The following SMARCA2 variants were observed in gnomAD, a reference collection of about 807,000 sequenced individuals.
SMARCA2 encodes SWI/SNF related BAF chromatin remodeling complex subunit ATPase 2, also known as SWI/SNF-related matrix-associated actin-dependent regulator of chromatin subfamily A member 2.
SMARCA2 carries 61 observed loss-of-function variants against 199.8 expected under a neutral mutation model. That is an observed-to-expected ratio of 0.31 (90% CI 0.25 to 0.38). SMARCA2 has a LOEUF of 0.38. Among genes scored for constraint, SMARCA2 ranks in the 10% least tolerant of loss-of-function variants. SMARCA2 has a pLI of 1.00. For synonymous variants in SMARCA2, 935 were observed against 732.0 expected (o/e 1.28, Z -4.48); for missense variants, 1,344 against 2,012.2 (o/e 0.67, Z 6.35).
chr9:2,147,375 G>A (rs1380861178), intron 27 of SMARCA2, among the ~76,000 whole-genome samples: 2 of 152,110 alleles, frequency 1.3e-5, no homozygotes, highest in Non-Finnish European at 2.9e-5. Context: ...TCATTAGGGT[G>A]AGAAAATAAT....
intron 27 of SMARCA2, chr9:2,160,057 C>T: frequency 1.0e-6 from 1 of 993,266 alleles, no homozygotes; most frequent in Non-Finnish European, 1.5e-6. Flanking sequence ...TAACTGTTGA[C>T]AGCCTTGCAT....
At chr9:2,134,389 C>T (rs1824104509) in intron 27 of SMARCA2, among the ~76,000 whole-genome samples, 1 of 152,176 alleles carries the variant, frequency 6.6e-6, no homozygotes, top group South Asian at 2.1e-4. Flanking sequence ...ACTCGCTCGG[C>T]CATTAACTCT....
chr9:2,100,708 A>G (rs187654974), intron 21 of SMARCA2, among the ~76,000 whole-genome samples: 105 of 152,198 alleles, frequency 6.9e-4, no homozygotes, highest in Middle Eastern at 6.8e-3. Context: ...GTCTCAAAAA[A>G]AAAAAAAGAA....
chr9:2,159,685 T>C (rs1460336024), intron 27 of SMARCA2: 9 of 1,197,010 alleles, frequency 7.5e-6, no homozygotes, highest in East Asian at 2.6e-5. Flanking sequence ...CTTCGGGCCT[T>C]GTAGTAGGTA....
intron 27 of SMARCA2, among the ~76,000 whole-genome samples, chr9:2,128,397 C>T (rs1019602892): frequency 5.9e-5 from 9 of 152,190 alleles, no homozygotes; most frequent in East Asian, 1.9e-4. Flanking sequence ...CTCATAAGAC[C>T]CCTGGCCTCT....
intron 14 of SMARCA2, chr9:2,080,118 A>G (rs1176339569): frequency 6.6e-6 from 1 of 152,178 alleles, no homozygotes; most frequent in Non-Finnish European, 1.5e-5. Flanking sequence ...AAACCAGTTC[A>G]AGTTGTGGCT....
intron 27 of SMARCA2, among the ~76,000 whole-genome samples, chr9:2,136,276 T>C (rs1335791174): frequency 1.3e-5 from 2 of 149,040 alleles, no homozygotes; most frequent in East Asian, 4.0e-4. Flanking sequence ...CAACCTGCGC[T>C]TCTCGGGTTC....
At chr9:2,133,351 G>C (rs1256517153) in intron 27 of SMARCA2, among the ~76,000 whole-genome samples, 2 of 151,984 alleles carry the variant, frequency 1.3e-5, no homozygotes, top group Non-Finnish European at 2.9e-5. Context: ...CTGTCACCCA[G>C]GCTTACTGCA....
At chr9:2,185,556 C>A (rs1827379852) in intron 31 of SMARCA2, among the ~76,000 whole-genome samples, 1 of 152,078 alleles carries the variant, frequency 6.6e-6, no homozygotes, top group Non-Finnish European at 1.5e-5. Flanking sequence ...TATAGTAGTT[C>A]TATTTTCAAT....
intron 14 of SMARCA2, among the ~76,000 whole-genome samples, chr9:2,079,116 A>T (rs918012484): frequency 3.9e-5 from 6 of 152,162 alleles, no homozygotes; most frequent in Admixed American, 1.3e-4. Context: ...CTGTCCCTGA[A>T]CAACAACCAG....
intron 27 of SMARCA2, among the ~76,000 whole-genome samples, chr9:2,134,282 G>A (rs1246340961): frequency 1.3e-5 from 2 of 152,166 alleles, no homozygotes; most frequent in Non-Finnish European, 2.9e-5. Context: ...ATATGTTACA[G>A]GACCACAGGT....
intron 19 of SMARCA2, among the ~76,000 whole-genome samples, chr9:2,095,231 A>G (rs138834337): frequency 0.037 from 5,606 of 151,884 alleles, 296 homozygotes; most frequent in African/African-American, 0.12. Flanking sequence ...GACTACAGGC[A>G]CACACCACCA....
intron 13 of SMARCA2, 149 bp downstream of exon 13, chr9:2,076,478 T>G: frequency 1.7e-6 from 1 of 590,366 alleles, no homozygotes; most frequent in Non-Finnish European, 3.0e-6. Flanking sequence ...CACTGAGTTC[T>G]GGGTTCCCAG....
chr9:2,024,390 A>G (rs1454445384), intron 1 of SMARCA2, among the ~76,000 whole-genome samples: 1 of 152,110 alleles, frequency 6.6e-6, no homozygotes, highest in African/African-American at 2.4e-5. Context: ...CTACTTACGC[A>G]CAAGTCTGAT....
chr9:2,070,321 G>GT, intron 9 of SMARCA2, 97 bp from the exon 10 acceptor site: 1 of 935,460 alleles, frequency 1.1e-6, no homozygotes, highest in Non-Finnish European at 1.7e-6. Flanking sequence ...TAATAATGGG[G>GT]TAACAATGAA....
At chr9:2,083,229 A>C (rs897770911) in intron 15 of SMARCA2, 118 bp from the exon 16 acceptor site, 1 of 541,078 alleles carries the variant, frequency 1.8e-6, no homozygotes, top group Non-Finnish European at 3.2e-6. Context: ...TTGTTGAGAT[A>C]TGTTATATTC....
At chr9:2,088,941 G>A (rs1009445246) in intron 19 of SMARCA2, among the ~76,000 whole-genome samples, 1 of 143,178 alleles carries the variant, frequency 7.0e-6, no homozygotes, top group African/African-American at 2.8e-5. Flanking sequence ...CTGTAGAATT[G>A]TTCTGCTTAT....
At chr9:2,154,086 A>G (rs1825214696) in intron 27 of SMARCA2, among the ~76,000 whole-genome samples, 1 of 152,226 alleles carries the variant, frequency 6.6e-6, no homozygotes, top group Non-Finnish European at 1.5e-5. Context: ...TCTTCTTACT[A>G]TGATATGATC....
At position 2,016,025 on chromosome 9, in the gene SMARCA2, T is replaced by G. The variant is rs1364577537; in HGVS notation, c.-37+621T>G. 6.6e-6 allele frequency: 1 copy of G among 152,392 alleles called. No homozygotes were observed. The highest frequency in any genetic ancestry group is 1.5e-5 in the Non-Finnish European group (1 of 68,254). 9.4% of individuals were successfully genotyped at this position (152,392 alleles called of 1,614,324 possible). A position where few individuals can be genotyped will look rare whatever the true frequency, so the allele number is the denominator to read the frequency against. On this transcript the variant is annotated intron_variant, in intron 1 of 33. Coordinates refer to ENST00000349721, the MANE Select transcript of SMARCA2 (RefSeq NM_003070.5). This position sits in a 1 kb window ranked among gnomAD's most constrained non-coding sequence, Gnocchi z 5.6. ...GCGGCGGGGCGCCAACGGACGCTGT[T>G]GCCACCCGCTTCCCAGGGACTTGTT... is the stretch of plus-strand genomic sequence containing the variant.
Sources: allele counts gnomAD v4.1 joint callset (sites outside exome capture counted in the v4.1 genomes callset), GRCh38; gene constraint gnomAD v4.1.1; non-coding constraint Gnocchi (gnomAD v3.1); transcripts MANE v1.5; gene names NCBI Gene and HGNC (gene_info 2026-07-23, HGNC 2026-07-21).